Variants in MAPK8IP3 observed in about 807,000 individuals in gnomAD.
The protein encoded by MAPK8IP3 is mitogen-activated protein kinase 8 interacting protein 3, also known as C-Jun-amino-terminal kinase-interacting protein 3.
Under a neutral mutation model 157.8 loss-of-function variants are expected in MAPK8IP3, and 49 were observed. The observed-to-expected ratio is 0.31, with a 90% confidence interval of 0.25 to 0.39. MAPK8IP3 has a LOEUF of 0.39. Among genes scored for constraint, MAPK8IP3 ranks in the 10% least tolerant of loss-of-function variants. The probability of loss-of-function intolerance (pLI) is 1.00; values close to 1 mark genes in which losing one functional copy is unlikely to be tolerated. For missense variants in MAPK8IP3, 1,478 were observed against 1,889.4 expected, an observed-to-expected ratio of 0.78 and a Z score of 4.04; for synonymous variants, 897 against 777.7, an observed-to-expected ratio of 1.15 and a Z score of -2.55.
intron 13 of MAPK8IP3, among the ~76,000 whole-genome samples, chr16:1,761,781 G>A (rs1259411691): frequency 6.6e-6 from 1 of 151,998 alleles, no homozygotes; most frequent in Non-Finnish European, 1.5e-5. Context: ...ACGTGGGGCA[G>A]CCATCATTCC....
intron 1 of MAPK8IP3, among the ~76,000 whole-genome samples, chr16:1,715,884 C>T (rs367598743): frequency 6.6e-6 from 1 of 152,046 alleles, no homozygotes; most frequent in African/African-American, 2.4e-5. Context: ...CACCACCACA[C>T]CCAGCTGATT....
At position 1,743,793 on chromosome 16, in the gene MAPK8IP3, CCT is replaced by C; in HGVS notation, c.747+323_747+324del. The C allele has an allele frequency of 8.0e-6, 10 of 1,252,410 alleles. No homozygotes were observed. The highest frequency in any genetic ancestry group is 1.0e-5 in the Non-Finnish European group (10 of 996,870). The allele number at this position is 1,252,410 out of a possible 1,614,324, so 77.6% of individuals were successfully genotyped here. ...GCCTGTCAGGGTTGAGCTTAGTGAT[CCT>C]CTCTCAAACCACACCCCCACATAAA... On this transcript the variant is annotated intron_variant, in intron 5 of 31. Coordinates refer to ENST00000610761, the MANE Select transcript of MAPK8IP3 (RefSeq NM_001318852.2). The surrounding 1 kb of genome is among the most constrained non-coding windows in gnomAD (Gnocchi z 5.6).
At position 1,729,124 on chromosome 16, in the gene MAPK8IP3, A is replaced by G; in HGVS notation, c.440-14A>G. The G allele has an allele frequency of 1.2e-6, 2 of 1,613,184 alleles. No homozygotes were observed. Among genetic ancestry groups the G allele is most frequent in the South Asian group, 2.2e-5 (2 of 91,072 alleles). On this transcript the variant is annotated splice_polypyrimidine_tract_variant and intron_variant, in intron 2 of 31. Transcript: ENST00000610761. ...AGCGTCTTGTGCGGCTCAGACAGTG[A>G]TTGTGTTTTCCAGTTTCCCGGTTGG...
intron 8 of MAPK8IP3, 120 bp downstream of exon 8, chr16:1,748,840 T>C (rs780902950): frequency 4.3e-6 from 4 of 923,118 alleles, no homozygotes; most frequent in Non-Finnish European, 7.2e-6. Context: ...ACCTTTTTTT[T>C]TCCAGCTTTG....
intron 6 of MAPK8IP3, among the ~76,000 whole-genome samples, chr16:1,747,512 G>A (rs914167009): frequency 7.2e-5 from 11 of 152,196 alleles, no homozygotes; most frequent in African/African-American, 2.2e-4. Flanking sequence ...CCCTGGGTGT[G>A]TCTGTGTCCT....
rs1161060640 is a variant in MAPK8IP3, at chr16:1,766,296, G to C, written c.2706G>C (p.Val902=). The stretch of plus-strand genomic sequence containing the variant: ...AGGAGGCCACAGAGGCCACGGAGGT[G>C]CCAGACCCTGGGCCCAGCGAGCCAG... ...STEEATEATE[V]PDPGPSEPET... The change falls in exon 22 of 32, where the codon GTG becomes GTC. Residue 902 remains valine (V), a synonymous_variant. Coordinates refer to ENST00000610761, the MANE Select transcript of MAPK8IP3 (RefSeq NM_001318852.2). The C allele has an allele frequency of 1.2e-6, 2 of 1,612,596 alleles. No homozygotes were observed. The highest frequency in any genetic ancestry group is 2.7e-5 in the African/African-American group (2 of 74,956).
At chr16:1,738,986 G>T (rs1482953338) in intron 4 of MAPK8IP3, among the ~76,000 whole-genome samples, 1 of 131,718 alleles carries the variant, frequency 7.6e-6, no homozygotes, top group Non-Finnish European at 1.6e-5. Context: ...GTGTGAGCAT[G>T]TGAGCATCCG....
chr16:1,763,677 G>T lies in MAPK8IP3; in HGVS notation c.1919G>T (p.Arg640Leu). The T allele has an allele frequency of 6.3e-7, 1 of 1,585,612 alleles. No individual in the cohort carries two copies. Among genetic ancestry groups the T allele is most frequent in the Non-Finnish European group, 8.6e-7 (1 of 1,163,938 alleles). Residue 640 changes from arginine (R) to leucine (L), a missense_variant, in exon 17 of 32, where the codon CGT (arginine) becomes CTT (leucine). Arg to Leu is a moderately radical substitution (Grantham distance 102). Coordinates refer to ENST00000610761, the MANE Select transcript of MAPK8IP3 (RefSeq NM_001318852.2). Reference protein sequence around the residue: ...FPDDDCTSSARREQKREQYRQ... With the variant: ...FPDDDCTSSALREQKREQYRQ... The stretch of plus-strand genomic sequence containing the variant: ...CTCAGCGACTGCACGTCCTCCGCCC[G>T]TCGAGAGCAGAAGCGCGAGCAGTAC...
chr16:1,735,401 CCGTCCATGTGAG>C (rs2039615017), intron 4 of MAPK8IP3, among the ~76,000 whole-genome samples: 1 of 150,128 alleles, frequency 6.7e-6, no homozygotes, highest in Non-Finnish European at 1.5e-5. Context: ...GAACGTGTGA[CCGTCCATGTGAG>C]CGTCCGTGTG....
At chr16:1,720,179 C>T (rs770030717) in intron 1 of MAPK8IP3, among the ~76,000 whole-genome samples, 1 of 152,166 alleles carries the variant, frequency 6.6e-6, no homozygotes, top group Non-Finnish European at 1.5e-5. Context: ...GGATTACAGG[C>T]GCACGCCACC....
Position 1,730,969 on chromosome 16 carries a change from G to A in MAPK8IP3, c.602+1391G>A, listed in dbSNP as rs751760262. ...AGCCTGGCCAACACGGTGAAACCCC[G>A]TCTCTACTAAAAATACAAAAATTAG... On this transcript the variant is annotated intron_variant, in intron 4 of 31. Transcript: ENST00000610761. 5.1e-4 allele frequency among the ~76,000 whole-genome samples: 78 copies of A among 151,536 alleles called. 1 individual carries two copies. The highest frequency in any genetic ancestry group is 4.9e-4 in the African/African-American group (20 of 41,188).
chr16:1,736,062 G>GTGAGCA (rs2039752649), intron 4 of MAPK8IP3, among the ~76,000 whole-genome samples: 2 of 117,054 alleles, frequency 1.7e-5, no homozygotes, highest in South Asian at 3.8e-4. Context: ...GACCGTCCGT[G>GTGAGCA]TGTGTGACCA....
chr16:1,767,903 A>T lies in MAPK8IP3; in HGVS notation c.3508A>T (p.Ile1170Phe), dbSNP rs1227370354. The change falls in exon 28 of 32, where the codon ATC (isoleucine) becomes TTC (phenylalanine). Residue 1170 changes from isoleucine (I) to phenylalanine (F), a missense_variant. This residue lies in a region of MAPK8IP3 where 83 missense variants were observed against 85.3 expected (regional missense o/e 0.97). Coordinates refer to ENST00000610761, the MANE Select transcript of MAPK8IP3 (RefSeq NM_001318852.2). Reference protein sequence around the residue: ...VGTGNGVVISIPLTETVVLHR... With the variant: ...VGTGNGVVISFPLTETVVLHR... ...CACCGGCAACGGAGTGGTCATCTCC[A>T]TCCCCCTGACAGAGAGTGAGTGGCC... The T allele has an allele frequency of 6.2e-7, 1 of 1,611,166 alleles. No individual in the cohort carries two copies. The highest frequency in any genetic ancestry group is 8.5e-7 in the Non-Finnish European group (1 of 1,179,832).
chr16:1,743,229 G>C lies in MAPK8IP3; in HGVS notation c.603-103G>C, dbSNP rs915560403. ...TCGAGCTGGGCTGCTGGCTGGCATG[G>C]AGCGGCCCCATCACTCGAGGTCTGC... On this transcript the variant is annotated intron_variant, in intron 4 of 31. Transcript: ENST00000610761. The surrounding 1 kb of genome is among the most constrained non-coding windows in gnomAD (Gnocchi z 5.6). 12 of 1,431,816 alleles carry C rather than the reference G, an allele frequency of 8.4e-6. No individual in the cohort carries two copies. The highest frequency in any genetic ancestry group is 1.1e-5 in the Non-Finnish European group (12 of 1,100,586). 88.7% of individuals were successfully genotyped at this position (1,431,816 alleles called of 1,614,324 possible).
intron 9 of MAPK8IP3, 111 bp from the exon 10 acceptor site, chr16:1,758,867 T>C (rs1399800873): frequency 2.3e-5 from 27 of 1,192,084 alleles, no homozygotes; most frequent in Non-Finnish European, 3.1e-5. Context: ...CAGCTCTGAA[T>C]TCCTCCCAGC....
chr16:1,735,495 GTCCGTGTGACCA>G (rs1474940640), intron 4 of MAPK8IP3, among the ~76,000 whole-genome samples: 2 of 127,094 alleles, frequency 1.6e-5, no homozygotes, highest in Non-Finnish European at 3.3e-5. Flanking sequence ...CCATGTGAGC[GTCCGTGTGACCA>G]TCCGTGTGAG....
At position 1,759,949 on chromosome 16, in the gene MAPK8IP3, C is replaced by T. The variant is rs757391860; in HGVS notation, c.1247-9C>T. On this transcript the variant is annotated splice_polypyrimidine_tract_variant and intron_variant, in intron 10 of 31. Transcript: ENST00000610761. ...GGCACAGGTGAAACCTCCGCACCTT[C>T]TGTTTCAGGAATGGGCAAAGAAGTG... 1.2e-6 allele frequency: 2 copies of T among 1,613,968 alleles called. No homozygotes were observed. Among genetic ancestry groups the T allele is most frequent in the East Asian group, 2.2e-5 (1 of 44,890 alleles).
chr16:1,743,527 C>G lies in MAPK8IP3; in HGVS notation c.747+51C>G, dbSNP rs1422443061. ...GAGGCTCCTCCCTGTTGCTGGTGTT[C>G]CCCGTTCACTGGGGCGGGAGCCTCG... On this transcript the variant is annotated intron_variant, in intron 5 of 31. Coordinates refer to ENST00000610761, the MANE Select transcript of MAPK8IP3 (RefSeq NM_001318852.2). This position sits in a 1 kb window ranked among gnomAD's most constrained non-coding sequence, Gnocchi z 5.6. The G allele has an allele frequency of 1.3e-6, 2 of 1,586,602 alleles. No homozygotes were observed. The highest frequency in any genetic ancestry group is 1.4e-5 in the African/African-American group (1 of 73,598).
At position 1,768,573 on chromosome 16, in the gene MAPK8IP3, T is replaced by G. The variant is rs1356743121; in HGVS notation, c.3839T>G (p.Leu1280Arg). The G allele has an allele frequency of 6.3e-7, 1 of 1,585,884 alleles. No individual in the cohort carries two copies. Among genetic ancestry groups the G allele is most frequent in the Non-Finnish European group, 8.6e-7 (1 of 1,167,050 alleles). ...GCCTCGGAGGTCGAGGGCCAGAAGCTGCGGAACGTGCTGGTGCTGAGCGGC... is the reference window on the plus strand; with the variant it reads ...GCCTCGGAGGTCGAGGGCCAGAAGCGGCGGAACGTGCTGGTGCTGAGCGGC... ...APASEVEGQKLRNVLVLSGGE... is the reference protein window; with the variant it reads ...APASEVEGQKRRNVLVLSGGE... The change falls in exon 31 of 32, where the codon CTG becomes CGG. Residue 1280 changes from leucine to arginine, a missense_variant. Physicochemically the swap from Leu to Arg is moderately radical, Grantham distance 102 (BLOSUM62 -2). Transcript: ENST00000610761.
Sources: gnomAD v4.1 joint callset for allele counts (sites outside exome capture counted in the v4.1 genomes callset) on GRCh38, gnomAD v4.1.1 for gene constraint, gnomAD v4.1.1 regional missense constraint, Gnocchi (gnomAD v3.1) non-coding constraint, MANE v1.5 for transcripts, NCBI Gene and HGNC (gene_info 2026-07-23, HGNC 2026-07-21) for gene names.